Variants in DCP1A observed in about 807,000 individuals in gnomAD.
DCP1A encodes the protein mRNA-decapping enzyme 1A.
DCP1A carries 20 observed loss-of-function variants against 58.0 expected under a neutral mutation model. That is an observed-to-expected ratio of 0.34 (90% confidence interval 0.24 to 0.50). The LOEUF is 0.50. Among genes scored for constraint, DCP1A ranks in the 20% least tolerant of loss-of-function variants. The pLI is 0.98. For synonymous variants in DCP1A, 285 were observed against 275.1 expected (o/e 1.04, Z -0.36); for missense variants, 613 against 712.2 (o/e 0.86, Z 1.59).
intron 6 of DCP1A, among the ~76,000 whole-genome samples, chr3:53,301,936 G>T (rs1250678251): frequency 1.7e-4 from 26 of 152,150 alleles, no homozygotes; most frequent in Admixed American, 1.7e-3. Context: ...TAGTTGCCAG[G>T]GCTAAACGAT....
At chr3:53,329,882 T>C (rs73843121) in intron 3 of DCP1A, among the ~76,000 whole-genome samples, 1,571 of 152,348 alleles carry the variant, frequency 0.01, 22 homozygotes, top group African/African-American at 0.036. Flanking sequence ...AAAGATGCCG[T>C]ATCTAACATG....
At position 53,303,505 on chromosome 3, in the gene DCP1A, A is replaced by G. The variant is rs569804673; in HGVS notation, c.624+672T>C. Among the ~76,000 whole-genome samples the G allele has an allele frequency of 3.1e-3, 470 of 152,286 alleles. 2 individuals are homozygous for G. Among genetic ancestry groups the G allele is most frequent in the African/African-American group, 0.011 (453 of 41,554 alleles). ...GGTTTCAAACTCCTGGGCTCAAGCG[A>G]TCTGCCTGCCTCAACCTTCCAAAGT... On this transcript the variant is annotated intron_variant, in intron 6 of 9. Coordinates refer to ENST00000610213, the MANE Select transcript of DCP1A (RefSeq NM_018403.7).
At chr3:53,325,924 A>G (rs543065879) in intron 3 of DCP1A, among the ~76,000 whole-genome samples, 6 of 152,212 alleles carry the variant, frequency 3.9e-5, no homozygotes, top group Non-Finnish European at 7.3e-5. Context: ...TCATTCAATT[A>G]TCTTTGCAGC....
intron 6 of DCP1A, among the ~76,000 whole-genome samples, chr3:53,296,345 T>A (rs1272985152): frequency 6.6e-6 from 1 of 152,196 alleles, no homozygotes; most frequent in East Asian, 1.9e-4. Context: ...TCACTCCCAA[T>A]GCAAAGAATC....
In DCP1A at chr3:53,288,157, G is replaced by A; in HGVS notation, c.1576C>T (p.Pro526Ser). 1 of 1,614,020 alleles carries A rather than the reference G, an allele frequency of 6.2e-7. No individual in the cohort carries two copies. Among genetic ancestry groups the A allele is most frequent in the East Asian group, 2.2e-5 (1 of 44,886 alleles). ...CTTTCTGGCGTTCCAATAGTTAGAG[G>A]AGAAGGGGAGCTGGCTTTCCTCTCA... ...DLERKASSPS[P>S]LTIGTPESQR... The change falls in exon 9 of 10, where the codon CCT (proline) becomes TCT (serine). Residue 526 changes from proline to serine, a missense_variant. By Grantham distance (74) the Pro-to-Ser change is moderately conservative. This residue lies in a region of DCP1A where 498 missense variants were observed against 556.7 expected (regional missense o/e 0.89). Coordinates refer to ENST00000610213, the MANE Select transcript of DCP1A (RefSeq NM_018403.7).
chr3:53,332,499 G>T (rs1473788988), intron 3 of DCP1A, among the ~76,000 whole-genome samples: 1 of 151,932 alleles, frequency 6.6e-6, no homozygotes, highest in Non-Finnish European at 1.5e-5. Flanking sequence ...ACTGCATATT[G>T]TACCTCCCCT....
At chr3:53,345,472 T>C (rs905922591) in intron 1 of DCP1A, among the ~76,000 whole-genome samples, 1 of 152,176 alleles carries the variant, frequency 6.6e-6, no homozygotes, top group Non-Finnish European at 1.5e-5. Context: ...TTTTTAGAAC[T>C]TGAAGAATCT....
At position 53,312,375 on chromosome 3, in the gene DCP1A, C is replaced by G; in HGVS notation, c.376G>C (p.Val126Leu). 6.2e-7 allele frequency: 1 copy of G among 1,602,346 alleles called. No individual in the cohort carries two copies. The highest frequency in any genetic ancestry group is 1.1e-5 in the South Asian group (1 of 89,268). Reference sequence around the variant, plus strand: ...TGGGATCGCCGTGTCTCCTCTTCTACCACACTAGAGGAGAAGAACAAGGTT... The same window carrying G: ...TGGGATCGCCGTGTCTCCTCTTCTAGCACACTAGAGGAGAAGAACAAGGTT... Reference protein sequence around the residue: ...HRIAKLMADVVEEETRRSQQA... With the variant: ...HRIAKLMADVLEEETRRSQQA... The change falls in exon 5 of 10, where the codon GTA becomes CTA. Residue 126 changes from valine (V) to leucine (L), a missense_variant. By Grantham distance (32) the Val-to-Leu change is conservative. This residue lies in a region of DCP1A where 498 missense variants were observed against 556.7 expected (regional missense o/e 0.89). Coordinates refer to ENST00000610213, the MANE Select transcript of DCP1A (RefSeq NM_018403.7).
rs782333401 is a variant in DCP1A at position 53,347,433 on chromosome 3, G to C, written c.85C>G (p.Leu29Val). Residue 29 changes from leucine to valine, a missense_variant, in exon 1 of 10, where the codon CTC becomes GTC. Coordinates refer to ENST00000610213, the MANE Select transcript of DCP1A (RefSeq NM_018403.7). ...GTGTACAGAGCGACCTGGCCCGTGA[G>C]GTCTGCGATGCTGGTGATATAGGGG... ...HDPYITSIADLTGQVALYTFC... is the reference protein window; with the variant it reads ...HDPYITSIADVTGQVALYTFC... 15 of 1,613,602 alleles carry C rather than the reference G, an allele frequency of 9.3e-6. No homozygotes were observed. The highest frequency in any genetic ancestry group is 1.0e-5 in the Non-Finnish European group (12 of 1,179,676).
intron 5 of DCP1A, among the ~76,000 whole-genome samples, chr3:53,306,179 C>T (rs1707463800): frequency 6.6e-6 from 1 of 152,144 alleles, no homozygotes; most frequent in African/African-American, 2.4e-5. Context: ...TTTTTTCCCA[C>T]CCAAATGACT....
intron 3 of DCP1A, among the ~76,000 whole-genome samples, chr3:53,333,486 G>T (rs2089054020): frequency 6.6e-6 from 1 of 152,064 alleles, no homozygotes; most frequent in East Asian, 1.9e-4. Context: ...TTTGTTAACT[G>T]TATTGTTCAA....
chr3:53,327,241 G>A (rs1253843080), intron 3 of DCP1A, among the ~76,000 whole-genome samples: 1 of 151,934 alleles, frequency 6.6e-6, no homozygotes, highest in South Asian at 2.1e-4. Flanking sequence ...TTTACTAATC[G>A]ATCATCCACA....
chr3:53,292,771 CAA>C lies in DCP1A; in HGVS notation c.679_680del (p.Leu227AlafsTer36). ...CCACAACTGCTGGTTGTTCCTTTGG[CAA>C]AGAGGTTCCAAATAACTCTTCTACC... ...LTVEELFGTS[L>X]PKEQPAVVGL... On this transcript the variant is annotated frameshift_variant, in exon 7 of 10. Coordinates refer to ENST00000610213, the MANE Select transcript of DCP1A (RefSeq NM_018403.7). LOFTEE classifies it high-confidence loss of function. The C allele has an allele frequency of 6.2e-7, 1 of 1,613,204 alleles. No homozygotes were observed. The highest frequency in any genetic ancestry group is 8.5e-7 in the Non-Finnish European group (1 of 1,179,886).
chr3:53,305,952 T>C (rs1552207), intron 5 of DCP1A, among the ~76,000 whole-genome samples: 3,714 of 152,318 alleles, frequency 0.024, 168 homozygotes, highest in African/African-American at 0.085. Flanking sequence ...TTATGGGTTA[T>C]GAATTCTTGA....
In DCP1A at chr3:53,325,553, C is replaced by G. The variant is rs117546115; in HGVS notation, c.305-6080G>C. On this transcript the variant is annotated intron_variant, in intron 3 of 9. Coordinates refer to ENST00000610213, the MANE Select transcript of DCP1A (RefSeq NM_018403.7). The stretch of plus-strand genomic sequence containing the variant: ...ATGATACTGACAAAGATCTCTTACA[C>G]CAGGAAACAAAAACAAGAAAACGGG... Among the ~76,000 whole-genome samples the G allele has an allele frequency of 0.013, 2,036 of 152,136 alleles. 117 individuals are homozygous for G. In the South Asian group the frequency reaches 0.14, roughly 11 times the overall value.
chr3:53,347,327 C>G (rs782149781), intron 1 of DCP1A, 56 bp downstream of exon 1: 2 of 1,471,568 alleles, frequency 1.4e-6, no homozygotes, highest in Non-Finnish European at 1.8e-6. Flanking sequence ...CCCGCGCGGC[C>G]CCTTTAAGAG....
intron 3 of DCP1A, among the ~76,000 whole-genome samples, chr3:53,341,751 C>T (rs2089208189): frequency 2.0e-5 from 3 of 152,102 alleles, no homozygotes; most frequent in African/African-American, 7.2e-5. Context: ...GTTGCCCAGG[C>T]TGGAGTACAG....
chr3:53,304,075 A>G (rs1192328174), intron 6 of DCP1A, 102 bp downstream of exon 6: 2 of 805,446 alleles, frequency 2.5e-6, no homozygotes, highest in Admixed American at 4.8e-5. Flanking sequence ...TGCACATTTG[A>G]ACCTTGACAC....
intron 3 of DCP1A, 126 bp from the exon 4 acceptor site, chr3:53,319,599 C>T (rs144520234): frequency 2.2e-4 from 125 of 569,372 alleles, no homozygotes; most frequent in African/African-American, 2.1e-3. Flanking sequence ...TGTTAATACT[C>T]TATCTAAAGA....
Sources: gnomAD v4.1 joint callset for allele counts (sites outside exome capture counted in the v4.1 genomes callset) on GRCh38, gnomAD v4.1.1 for gene constraint, gnomAD v4.1.1 regional missense constraint, MANE v1.5 for transcripts, NCBI Gene and HGNC (gene_info 2026-07-23, HGNC 2026-07-21) for gene names.